SLC6A16: variants seen among roughly 807,000 people sequenced by gnomAD.
SLC6A16 encodes solute carrier family 6 member 16.
A neutral mutation model predicts 65.4 loss-of-function variants in SLC6A16; 54 were observed. The ratio of observed to expected loss-of-function variants is 0.83; its 90% CI spans 0.66 to 1.04. The LOEUF is 1.04. Among genes scored for constraint, SLC6A16 ranks in the 50% least tolerant of loss-of-function variants. The pLI, the probability that SLC6A16 is intolerant of heterozygous loss-of-function variation, is 0.00. For synonymous variants in SLC6A16, 330 were observed against 346.5 expected, an observed-to-expected ratio of 0.95 and a Z score of 0.53; for missense variants, 816 against 914.0, an observed-to-expected ratio of 0.89 and a Z score of 1.38.
At chr19:49,327,085 T>C (rs1357701413), upstream of SLC6A16, among the ~76,000 whole-genome samples, 2 of 151,882 alleles carry the variant, frequency 1.3e-5, no homozygotes, top group Non-Finnish European at 2.9e-5. Flanking sequence ...TCGAATTTTT[T>C]TTTTTTTTGA....
chr19:49,327,842 G>A (rs1473387379), upstream of SLC6A16, among the ~76,000 whole-genome samples: 1 of 152,184 alleles, frequency 6.6e-6, no homozygotes, highest in East Asian at 1.9e-4. Context: ...CAAAAGCCTT[G>A]AGGCAAGAAG....
At chr19:49,295,638 T>C (rs923428411) in intron 7 of SLC6A16, among the ~76,000 whole-genome samples, 8 of 152,230 alleles carry the variant, frequency 5.3e-5, no homozygotes, top group African/African-American at 1.4e-4. Flanking sequence ...CAGGCAAACA[T>C]TGAAGTACAG....
intron 1 of SLC6A16, among the ~76,000 whole-genome samples, chr19:49,313,739 A>G (rs353978): frequency 0.79 from 120,526 of 151,804 alleles, 48,465 homozygotes; most frequent in African/African-American, 0.92. Flanking sequence ...AGGTTACAGT[A>G]AGCCAAGATC....
At chr19:49,336,960 G>C in the SLC6A16 span, 2 of 1,614,156 alleles carry the variant, frequency 1.2e-6, no homozygotes, top group Non-Finnish European at 8.5e-7. Flanking sequence ...GCCATCTCAG[G>C]AATCTTCACC....
chr19:49,328,815 G>A (rs922855690), upstream of SLC6A16, among the ~76,000 whole-genome samples: 1 of 152,162 alleles, frequency 6.6e-6, no homozygotes, highest in African/African-American at 2.4e-5. Flanking sequence ...CCCTTCAACT[G>A]ATTTCTGTAA....
chr19:49,295,268 T>G (rs1348682847), intron 7 of SLC6A16, among the ~76,000 whole-genome samples: 1 of 151,932 alleles, frequency 6.6e-6, no homozygotes, highest in Admixed American at 6.6e-5. Context: ...TAGTCCCAGC[T>G]ATTCGGGAGG....
At chr19:49,302,557 CT>C (rs1231598643) in intron 7 of SLC6A16, among the ~76,000 whole-genome samples, 9 of 152,182 alleles carry the variant, frequency 5.9e-5, no homozygotes, top group Admixed American at 2.0e-4. Context: ...AAATGCTTTT[CT>C]CAAGACTATA....
chr19:49,303,325 G>GA (rs554796666), intron 7 of SLC6A16, among the ~76,000 whole-genome samples: 37 of 152,072 alleles, frequency 2.4e-4, no homozygotes, highest in Middle Eastern at 3.4e-3. Context: ...TCAAAGTGCT[G>GA]AAAAAAAATC....
the SLC6A16 span, chr19:49,339,344 C>T: frequency 6.2e-7 from 1 of 1,613,830 alleles, no homozygotes; most frequent in Non-Finnish European, 8.5e-7. This position sits in a 1 kb window ranked among gnomAD's most constrained non-coding sequence, Gnocchi z 4.5. Flanking sequence ...GCGCGCAGGG[C>T]CTCCAGAAGT....
At chr19:49,294,303 A>C in intron 8 of SLC6A16, 64 bp downstream of exon 8, 1 of 1,510,606 alleles carries the variant, frequency 6.6e-7, no homozygotes, top group Admixed American at 2.1e-5. Flanking sequence ...ATAAAAGCTA[A>C]AATTTCTGTT....
At chr19:49,323,425 C>CCT (rs1970747541) in intron 1 of SLC6A16, among the ~76,000 whole-genome samples, 1 of 151,928 alleles carries the variant, frequency 6.6e-6, no homozygotes, top group Non-Finnish European at 1.5e-5. Flanking sequence ...GAAAAGATAA[C>CCT]CCACAGAATG....
intron 7 of SLC6A16, among the ~76,000 whole-genome samples, chr19:49,303,810 T>G (rs1970333139): frequency 6.6e-6 from 1 of 152,256 alleles, no homozygotes; most frequent in Non-Finnish European, 1.5e-5. Flanking sequence ...TTTGCCCTTT[T>G]TAAAACTTTG....
Position 49,294,415 on chromosome 19 carries a change from C to G in SLC6A16, c.1368G>C (p.Met456Ile). ...LSGLPQHIKS[M>I]VLREVTECNI... ...TGCACTCAGTCACCTCGCGGAGAAC[C>G]ATGCTTTTGATGTGCTGGGGAAGGC... The change falls in exon 8 of 12, where the codon ATG (methionine) becomes ATC (isoleucine). Residue 456 changes from methionine to isoleucine, a missense_variant. Physicochemically the swap from Met to Ile is conservative, Grantham distance 10 (BLOSUM62 1). Coordinates refer to ENST00000335875, the MANE Select transcript of SLC6A16 (RefSeq NM_014037.3). The G allele has an allele frequency of 6.2e-7, 1 of 1,614,142 alleles. No homozygotes were observed. Among genetic ancestry groups the G allele is most frequent in the Non-Finnish European group, 8.5e-7 (1 of 1,180,028 alleles).
intron 6 of SLC6A16, 86 bp downstream of exon 6, chr19:49,309,215 G>GTAA: frequency 1.9e-6 from 3 of 1,582,892 alleles, no homozygotes; most frequent in Non-Finnish European, 2.6e-6. Context: ...AGATACAAAA[G>GTAA]TAAAGAATGG....
At chr19:49,331,468 C>T in the SLC6A16 span, 178 of 264,456 alleles carry the variant, frequency 6.7e-4, no homozygotes, top group African/African-American at 3.8e-3. Context: ...AGGCATGAGC[C>T]ACCTCACCTG....
rs902457768 is a variant in SLC6A16, at chr19:49,298,483, T to C, written c.1230-3930A>G. ...AAGATATACATGCAGCCAACAAATATATGAAAAAATGCTCACTGGTGTGTT... is the reference window on the plus strand; with the variant it reads ...AAGATATACATGCAGCCAACAAATACATGAAAAAATGCTCACTGGTGTGTT... On this transcript the variant is annotated intron_variant, in intron 7 of 11. Coordinates refer to ENST00000335875, the MANE Select transcript of SLC6A16 (RefSeq NM_014037.3). Among the ~76,000 whole-genome samples, 16 of 152,048 alleles carry C rather than the reference T, an allele frequency of 1.1e-4. 1 individual carries two copies. The highest frequency in any genetic ancestry group is 9.8e-4 in the Admixed American group (15 of 15,266).
intron 1 of SLC6A16, chr19:49,312,635 G>T: frequency 1.1e-6 from 1 of 891,300 alleles, no homozygotes; most frequent in African/African-American, 1.8e-5. Context: ...TTACATGAAA[G>T]AGAGGAAGAG....
At chr19:49,321,107 C>A (rs1334073775) in intron 1 of SLC6A16, among the ~76,000 whole-genome samples, 1 of 151,820 alleles carries the variant, frequency 6.6e-6, no homozygotes, top group Non-Finnish European at 1.5e-5. Flanking sequence ...ATGCAAAAAT[C>A]CTCAAAAAAA....
rs756089172 is a variant in SLC6A16 at position 49,311,334 on chromosome 19, G to C, written c.14C>G (p.Ala5Gly). MKTE[A>G]QPSTSLLANT... ...TGCCAGCAAGGATGTCGAAGGCTGG[G>C]CCTCTGTCTTCATCTCACACAGACT... The change falls in exon 2 of 12, where the codon GCC (alanine) becomes GGC (glycine). Residue 5 changes from alanine to glycine, a missense_variant. Ala to Gly is a moderately conservative substitution (Grantham distance 60, BLOSUM62 0). Transcript: ENST00000335875. 6.3e-7 allele frequency: 1 copy of C among 1,584,334 alleles called. No homozygotes were observed. The highest frequency in any genetic ancestry group is 2.2e-5 in the East Asian group (1 of 44,744).
Sources: allele counts gnomAD v4.1 joint callset (sites outside exome capture counted in the v4.1 genomes callset), GRCh38; gene constraint gnomAD v4.1.1; non-coding constraint Gnocchi (gnomAD v3.1); transcripts MANE v1.5; gene names NCBI Gene and HGNC (gene_info 2026-07-23, HGNC 2026-07-21).